Variants in PADI3 observed in about 807,000 individuals in gnomAD.
PADI3 encodes the protein protein-arginine deiminase type-3.
In PADI3, 53 loss-of-function variants were observed where a neutral mutation model predicts 71.5. The ratio of observed to expected loss-of-function variants is 0.74; its 90% CI spans 0.59 to 0.93. The LOEUF (loss-of-function observed/expected upper bound fraction) is 0.93, where lower values mean the gene tolerates loss of function less well. Ranked by LOEUF, PADI3 falls within the 40% of genes least tolerant of loss-of-function variation. The probability of loss-of-function intolerance (pLI) is 0.00; values close to 1 mark genes in which losing one functional copy is unlikely to be tolerated. For synonymous variants in PADI3, 361 were observed against 347.5 expected (o/e 1.04, Z -0.43); for missense variants, 821 against 868.0 (o/e 0.95, Z 0.68).
chr1:17,270,507 G>A, intron 7 of PADI3, 96 bp downstream of exon 7: 3 of 1,087,988 alleles, frequency 2.8e-6, no homozygotes, highest in Non-Finnish European at 3.9e-6. Context: ...AAATAGCGAG[G>A]TATAGTGGTG....
chr1:17,274,850 G>C, intron 11 of PADI3, 64 bp downstream of exon 11: 1 of 1,507,640 alleles, frequency 6.6e-7, no homozygotes, highest in Non-Finnish European at 9.1e-7. Flanking sequence ...TGGTGATGAT[G>C]GTGGAGCAGG....
chr1:17,265,575 C>T (rs2073157041), intron 3 of PADI3, 84 bp from the exon 4 acceptor site: 1 of 1,214,000 alleles, frequency 8.2e-7, no homozygotes, highest in East Asian at 2.3e-5. Flanking sequence ...TGCCTTTGCT[C>T]AGCCCCAGAC....
At chr1:17,261,551 C>T (rs1191710601) in intron 2 of PADI3, among the ~76,000 whole-genome samples, 1 of 152,254 alleles carries the variant, frequency 6.6e-6, no homozygotes, top group Non-Finnish European at 1.5e-5. Context: ...ATGCCACCTG[C>T]CCACTGATAA....
intron 1 of PADI3, among the ~76,000 whole-genome samples, chr1:17,250,961 G>A (rs1347861244): frequency 2.0e-5 from 3 of 152,224 alleles, no homozygotes; most frequent in African/African-American, 4.8e-5. Context: ...GAAGGCCATC[G>A]GTGGGACAGC....
intron 9 of PADI3, 51 bp downstream of exon 9, chr1:17,271,229 G>T: frequency 6.7e-7 from 1 of 1,481,822 alleles, no homozygotes; most frequent in Non-Finnish European, 9.3e-7. Context: ...CCTGGAGAGA[G>T]AGGCCTTCAT....
At chr1:17,276,000 A>C (rs758652996) in intron 11 of PADI3, among the ~76,000 whole-genome samples, 13 of 152,016 alleles carry the variant, frequency 8.6e-5, no homozygotes, top group Non-Finnish European at 1.8e-4. Flanking sequence ...ACCTGTCCTG[A>C]GTCTGCCTCA....
chr1:17,277,723 A>T (rs966444748), intron 13 of PADI3, among the ~76,000 whole-genome samples: 1 of 152,196 alleles, frequency 6.6e-6, no homozygotes, highest in Non-Finnish European at 1.5e-5. Context: ...GAGCCTGGGC[A>T]TGGGGAGGGC....
At chr1:17,276,905 C>T (rs376691944) in intron 13 of PADI3, 29 bp downstream of exon 13, 11 of 1,564,004 alleles carry the variant, frequency 7.0e-6, no homozygotes, top group Middle Eastern at 2.0e-4. Flanking sequence ...TCCCTCCTTG[C>T]GGCTTGCCTG....
intron 6 of PADI3, among the ~76,000 whole-genome samples, chr1:17,269,674 G>C (rs2073219218): frequency 6.6e-6 from 1 of 152,090 alleles, no homozygotes; most frequent in African/African-American, 2.4e-5. Context: ...CTGGAGTGCA[G>C]TGGTGTGATC....
chr1:17,252,805 T>C (rs1229646524), intron 1 of PADI3, among the ~76,000 whole-genome samples: 1 of 152,222 alleles, frequency 6.6e-6, no homozygotes, highest in African/African-American at 2.4e-5. Flanking sequence ...AAGAACAGAC[T>C]GGACCCATTC....
chr1:17,256,962 G>A (rs997232627), intron 1 of PADI3, among the ~76,000 whole-genome samples: 2 of 150,372 alleles, frequency 1.3e-5, no homozygotes, highest in Non-Finnish European at 3.0e-5. Context: ...AACCCGGGAG[G>A]TGGAGGTTGC....
intron 6 of PADI3, among the ~76,000 whole-genome samples, chr1:17,268,617 C>A (rs554479513): frequency 1.8e-3 from 263 of 146,838 alleles, no homozygotes; most frequent in Middle Eastern, 7.4e-3. Context: ...TGGCGATTCT[C>A]CTGCCTCAGC....
intron 1 of PADI3, among the ~76,000 whole-genome samples, chr1:17,259,204 G>A (rs2073067273): frequency 6.6e-6 from 1 of 152,174 alleles, no homozygotes; most frequent in Admixed American, 6.5e-5. Context: ...CCAGTAGCTG[G>A]GATTACAGGC....
intron 9 of PADI3, 141 bp downstream of exon 9, chr1:17,271,319 A>G (rs550839371): frequency 2.9e-6 from 2 of 687,224 alleles, no homozygotes; most frequent in East Asian, 5.4e-5. Context: ...TGAGACCTAG[A>G]GGCTTCTCTC....
At chr1:17,249,269 C>A (rs2072935965) in intron 1 of PADI3, 40 bp downstream of exon 1, 1 of 1,511,956 alleles carries the variant, frequency 6.6e-7, no homozygotes. Context: ...GCCCTTGGTG[C>A]TGATGCCCTT....
chr1:17,280,322 C>G (rs1168255671), intron 13 of PADI3, 28 bp from the exon 14 acceptor site: 1 of 1,586,308 alleles, frequency 6.3e-7, no homozygotes, highest in African/African-American at 1.3e-5. Flanking sequence ...CTGTCCCTGT[C>G]CTTCTCTTTC....
Position 17,271,836 on chromosome 1 carries a change from C to CAA in PADI3, c.1047+676_1047+677dup, listed in dbSNP as rs71571852. 8.1e-3 allele frequency among the ~76,000 whole-genome samples: 644 copies of CAA among 79,364 alleles called. 5 individuals carry two copies. Among genetic ancestry groups the CAA allele is most frequent in the African/African-American group, 0.024 (456 of 18,722 alleles). 52.1% of individuals were successfully genotyped at this position (79,364 alleles called of 152,430 possible). ...TGCACTCCAGCCTCAGCAACAACAA[C>CAA]AAAAAAAAAAAAAAAAAAAGAGAGA... On this transcript the variant is annotated intron_variant, in intron 9 of 15. Transcript: ENST00000375460.
Position 17,279,964 on chromosome 1 carries a change from A to G in PADI3, c.1556-386A>G, listed in dbSNP as rs181638939. Among the ~76,000 whole-genome samples the G allele has an allele frequency of 1.5e-3, 222 of 152,304 alleles. 1 individual carries two copies. The highest frequency in any genetic ancestry group is 5.0e-3 in the African/African-American group (209 of 41,572). On this transcript the variant is annotated intron_variant, in intron 13 of 15. Transcript: ENST00000375460. ...GGCTGGTTCGCTGCTCAGTGAACCTATAAAACCTGACTGATGGTGGGTGGG... is the reference window on the plus strand; with the variant it reads ...GGCTGGTTCGCTGCTCAGTGAACCTGTAAAACCTGACTGATGGTGGGTGGG...
rs540191148 is a variant in PADI3 at position 17,249,355 on chromosome 1, A to G, written c.92+126A>G. Reference sequence around the variant, plus strand: ...AGCCTTGGCCTCGGAACAGCAGCCAATCAGGGAAGCTTGGGTCCTCCTCTT... The same window carrying G: ...AGCCTTGGCCTCGGAACAGCAGCCAGTCAGGGAAGCTTGGGTCCTCCTCTT... On this transcript the variant is annotated intron_variant, in intron 1 of 15. Coordinates refer to ENST00000375460, the MANE Select transcript of PADI3 (RefSeq NM_016233.2). 27 of 762,234 alleles carry G rather than the reference A, an allele frequency of 3.5e-5. No homozygotes were observed. In the East Asian group the frequency reaches 6.1e-4, roughly 17 times the overall value. 47.2% of individuals were successfully genotyped at this position (762,234 alleles called of 1,614,324 possible). A position where few individuals can be genotyped will look rare whatever the true frequency, so the allele number is the denominator to read the frequency against.
Sources: allele counts gnomAD v4.1 joint callset (sites outside exome capture counted in the v4.1 genomes callset), GRCh38; gene constraint gnomAD v4.1.1; transcripts MANE v1.5; gene names NCBI Gene and HGNC (gene_info 2026-07-23, HGNC 2026-07-21).